Variants in TSPAN12 observed in about 807,000 individuals in gnomAD.
TSPAN12 encodes tetraspanin-12.
In TSPAN12, 19 loss-of-function variants were observed where a neutral mutation model predicts 39.2. That is an observed-to-expected ratio of 0.49 (90% CI 0.34 to 0.71). The LOEUF (loss-of-function observed/expected upper bound fraction) is 0.71, where lower values mean the gene tolerates loss of function less well. Among genes scored for constraint, TSPAN12 ranks in the 30% least tolerant of loss-of-function variants. The pLI is 0.01. For synonymous variants in TSPAN12, 119 were observed against 124.8 expected (o/e 0.95, Z 0.31); for missense variants, 314 against 359.9 (o/e 0.87, Z 1.03).
Position 120,848,787 on chromosome 7 carries a change from T to C in TSPAN12, c.66+7911A>G, listed in dbSNP as rs143233417. ...AGGAATTGATTCCAGCAACATTAAA[T>C]GTCTGAGAACAGTTTCATCCTCAAC... On this transcript the variant is annotated intron_variant, in intron 2 of 7. Transcript: ENST00000222747. Among the ~76,000 whole-genome samples the C allele has an allele frequency of 9.0e-3, 1,373 of 152,300 alleles. 15 individuals are homozygous for C. Among genetic ancestry groups the C allele is most frequent in the African/African-American group, 0.03 (1,245 of 41,566 alleles).
In TSPAN12 at chr7:120,806,534, C is replaced by T; in HGVS notation, c.612+15G>A. On this transcript the variant is annotated intron_variant, in intron 7 of 7. Coordinates refer to ENST00000222747, the MANE Select transcript of TSPAN12 (RefSeq NM_012338.4). The stretch of plus-strand genomic sequence containing the variant: ...AAACATTTATCCATAATAAATTAAC[C>T]ATATATGGCCTCACCTCTTGATAAA... The T allele has an allele frequency of 6.2e-7, 1 of 1,612,138 alleles. No individual in the cohort carries two copies. Among genetic ancestry groups the T allele is most frequent in the East Asian group, 2.2e-5 (1 of 44,862 alleles).
At chr7:120,819,094 T>A (rs1190338574) in intron 4 of TSPAN12, among the ~76,000 whole-genome samples, 8 of 152,036 alleles carry the variant, frequency 5.3e-5, no homozygotes, top group Non-Finnish European at 7.4e-5. Context: ...TATGAGACAT[T>A]TTTTGCTCTC....
chr7:120,802,343 G>T (rs1439814165), intron 7 of TSPAN12, among the ~76,000 whole-genome samples: 1 of 152,038 alleles, frequency 6.6e-6, no homozygotes, highest in African/African-American at 2.4e-5. Flanking sequence ...CCCCAGCATG[G>T]GTGCTTACTT....
rs1794066596 is a variant in TSPAN12 at position 120,815,717 on chromosome 7, T to C, written c.360+12A>G. ...TTGTTTTAGATTGTGATTATATCTA[T>C]TTTGAACTCACCATAAGTTCCTGTT... On this transcript the variant is annotated intron_variant, in intron 5 of 7. Coordinates refer to ENST00000222747, the MANE Select transcript of TSPAN12 (RefSeq NM_012338.4). 8 of 1,608,898 alleles carry C rather than the reference T, an allele frequency of 5.0e-6. No individual in the cohort carries two copies. Among genetic ancestry groups the C allele is most frequent in the Non-Finnish European group, 6.8e-6 (8 of 1,176,638 alleles).
intron 7 of TSPAN12, among the ~76,000 whole-genome samples, chr7:120,795,557 A>T (rs1418706582): frequency 1.3e-5 from 2 of 152,362 alleles, no homozygotes; most frequent in African/African-American, 4.8e-5. Context: ...CCACATCAAA[A>T]AGTCGGGCAG....
intron 2 of TSPAN12, among the ~76,000 whole-genome samples, chr7:120,848,960 A>G (rs900436843): frequency 1.3e-5 from 2 of 152,238 alleles, no homozygotes; most frequent in East Asian, 3.8e-4. Context: ...AACTTATGTG[A>G]GGAATTCAGG....
rs375988226 is a variant in TSPAN12 at position 120,856,706 on chromosome 7, G to A, written c.58C>T (p.Leu20Phe). Residue 20 changes from leucine (L) to phenylalanine (F), a missense_variant, in exon 2 of 8, where the codon CTC (leucine) becomes TTC (phenylalanine). Transcript: ENST00000222747. ...CAGTGAAACTTACTTACCCAAAAGA[G>A]CAGATTGAGGGCGTAGAGCAGGCAG... is the stretch of plus-strand genomic sequence containing the variant. The part of the protein sequence containing the change: ...LRCLLYALNL[L>F]FWLMSISVLA... 1 of 1,614,214 alleles carries A rather than the reference G, an allele frequency of 6.2e-7. No homozygotes were observed. The highest frequency in any genetic ancestry group is 8.5e-7 in the Non-Finnish European group (1 of 1,180,030).
At chr7:120,793,337 G>A (rs1030846277) in intron 7 of TSPAN12, among the ~76,000 whole-genome samples, 6 of 152,228 alleles carry the variant, frequency 3.9e-5, no homozygotes, top group South Asian at 2.1e-4. Context: ...CAGCTTTTTC[G>A]GTTGCCCAGA....
chr7:120,817,293 G>A (rs533732337), intron 4 of TSPAN12, among the ~76,000 whole-genome samples: 1 of 152,178 alleles, frequency 6.6e-6, no homozygotes, highest in South Asian at 2.1e-4. Context: ...GGAGGCTGAG[G>A]TGGGAGGATC....
intron 3 of TSPAN12, 45 bp downstream of exon 3, chr7:120,839,982 T>C: frequency 1.3e-6 from 2 of 1,535,804 alleles, no homozygotes; most frequent in Non-Finnish European, 1.8e-6. Flanking sequence ...GCAAAGTTAC[T>C]TAAAATCAGC....
At chr7:120,835,340 A>G (rs1794457035) in intron 4 of TSPAN12, among the ~76,000 whole-genome samples, 1 of 152,198 alleles carries the variant, frequency 6.6e-6, no homozygotes, top group South Asian at 2.1e-4. Context: ...GACCTCTCTG[A>G]ACCTCATTTA....
intron 5 of TSPAN12, chr7:120,814,062 T>G: frequency 2.7e-6 from 1 of 373,686 alleles, no homozygotes; most frequent in Non-Finnish European, 5.3e-6. Flanking sequence ...TATGTGTGAG[T>G]GTGCCAAAGC....
chr7:120,853,600 C>A (rs1260676318), intron 2 of TSPAN12, among the ~76,000 whole-genome samples: 3 of 149,824 alleles, frequency 2.0e-5, no homozygotes, highest in African/African-American at 7.3e-5. Flanking sequence ...ACAGGCCGGG[C>A]ACAGTGGCTC....
chr7:120,853,083 C>T (rs1053019141), intron 2 of TSPAN12, among the ~76,000 whole-genome samples: 12 of 144,878 alleles, frequency 8.3e-5, no homozygotes, highest in African/African-American at 3.2e-4. Context: ...AACAAAAATC[C>T]CAGCAGATTT....
intron 2 of TSPAN12, among the ~76,000 whole-genome samples, chr7:120,844,545 C>A (rs1794636798): frequency 6.6e-6 from 1 of 152,192 alleles, no homozygotes; most frequent in Non-Finnish European, 1.5e-5. Context: ...CTGGCCAAAA[C>A]AAAGGGGCTA....
chr7:120,841,815 G>A (rs1794584537), intron 2 of TSPAN12, among the ~76,000 whole-genome samples: 4 of 152,116 alleles, frequency 2.6e-5, no homozygotes, highest in Admixed American at 2.6e-4. Context: ...GTTGATAATT[G>A]TTGAAACTGG....
chr7:120,857,277 C>T, intron 1 of TSPAN12: 2 of 247,702 alleles, frequency 8.1e-6, no homozygotes, highest in East Asian at 9.8e-5. Flanking sequence ...AGAGAATGAG[C>T]GCCCTTCTAG....
Position 120,856,848 on chromosome 7 carries a change from G to C in TSPAN12, c.-70-15C>G. 7.0e-7 allele frequency: 1 copy of C among 1,437,788 alleles called. No homozygotes were observed. The highest frequency in any genetic ancestry group is 9.8e-7 in the Non-Finnish European group (1 of 1,022,732). The allele number at this position is 1,437,788 out of a possible 1,614,324, so 89.1% of individuals were successfully genotyped here. On this transcript the variant is annotated splice_polypyrimidine_tract_variant and intron_variant, in intron 1 of 7. Coordinates refer to ENST00000222747, the MANE Select transcript of TSPAN12 (RefSeq NM_012338.4). ...ACGGCAGCGATCTGCAGGGGGCGGG[G>C]GAGAGAGAACACGGGACATCTCACC...
chr7:120,834,339 T>C (rs552506361), intron 4 of TSPAN12, among the ~76,000 whole-genome samples: 19 of 152,280 alleles, frequency 1.2e-4, no homozygotes, highest in Admixed American at 1.1e-3. Flanking sequence ...TTTAACAACT[T>C]ACATCTATAA....
Sources: gnomAD v4.1 joint callset for allele counts (sites outside exome capture counted in the v4.1 genomes callset) on GRCh38, gnomAD v4.1.1 for gene constraint, MANE v1.5 for transcripts, NCBI Gene and HGNC (gene_info 2026-07-23, HGNC 2026-07-21) for gene names.